NCEH1: variants seen among roughly 807,000 people sequenced by gnomAD.
The protein encoded by NCEH1 is neutral cholesterol ester hydrolase 1.
A neutral mutation model predicts 25.4 loss-of-function variants in NCEH1; 9 were observed. That is an observed-to-expected ratio of 0.35 (90% CI 0.21 to 0.62). The LOEUF is 0.62. NCEH1 is among the 20% of genes least tolerant of loss of function. The pLI is 0.72. For synonymous variants in NCEH1, 200 were observed against 199.8 expected, an observed-to-expected ratio of 1.00 and a Z score of -0.01; for missense variants, 412 against 501.1, an observed-to-expected ratio of 0.82 and a Z score of 1.70.
chr3:172,679,150 G>A (rs1220161811), intron 1 of NCEH1, among the ~76,000 whole-genome samples: 1 of 152,236 alleles, frequency 6.6e-6, no homozygotes, highest in Non-Finnish European at 1.5e-5. Flanking sequence ...GAAGGAGGAA[G>A]TAACTTGTGG....
At chr3:172,675,489 A>C (rs186242501) in intron 1 of NCEH1, among the ~76,000 whole-genome samples, 117 of 152,260 alleles carry the variant, frequency 7.7e-4, no homozygotes, top group African/African-American at 2.8e-3. Context: ...CATAAAAGGA[A>C]ATGACTGGTT....
intron 1 of NCEH1, among the ~76,000 whole-genome samples, chr3:172,693,516 A>G (rs1713182635): frequency 6.6e-6 from 1 of 152,070 alleles, no homozygotes. Flanking sequence ...AAAGATATTT[A>G]ACCACTCATA....
intron 1 of NCEH1, among the ~76,000 whole-genome samples, chr3:172,674,467 G>T (rs1000591621): frequency 3.6e-5 from 5 of 137,886 alleles, no homozygotes; most frequent in Non-Finnish European, 7.9e-5. Flanking sequence ...AAAAAAAAAA[G>T]TGAGGGCTAC....
At chr3:172,634,172 T>C (rs928905488) in intron 4 of NCEH1, 80 bp from the exon 5 acceptor site, 3 of 1,289,698 alleles carry the variant, frequency 2.3e-6, no homozygotes, top group Non-Finnish European at 3.2e-6. Flanking sequence ...AGTAGCTTCA[T>C]GTGTTACTCT....
At chr3:172,678,273 G>A (rs963815483) in intron 1 of NCEH1, among the ~76,000 whole-genome samples, 2 of 152,156 alleles carry the variant, frequency 1.3e-5, no homozygotes, top group African/African-American at 4.8e-5. Flanking sequence ...TTTACAATAA[G>A]GACAATTTCT....
chr3:172,697,970 ATTTTTTTTTTT>A (rs386398562), intron 1 of NCEH1, among the ~76,000 whole-genome samples: 2 of 101,084 alleles, frequency 2.0e-5, no homozygotes, highest in African/African-American at 4.1e-5. Context: ...TAAAAGCAGA[ATTTTTTTTTTT>A]TTTTTTTTTT....
At chr3:172,634,133 C>A in intron 4 of NCEH1, 41 bp from the exon 5 acceptor site, 1 of 1,575,064 alleles carries the variant, frequency 6.3e-7, no homozygotes, top group East Asian at 2.2e-5. Context: ...ATTTTGCATG[C>A]CTTCTTTTAT....
Position 172,653,744 on chromosome 3 carries a change from G to GTTTTT in NCEH1, c.139-5635_139-5631dup, listed in dbSNP as rs796835886. On this transcript the variant is annotated intron_variant, in intron 1 of 4. Transcript: ENST00000475381. Reference sequence around the variant, plus strand: ...TTGTTGTTGTTGTTCTGTTTTTTTTGTTTTTTTGTTTTTTTGTTTTTTTTT... The same window carrying GTTTTT: ...TTGTTGTTGTTGTTCTGTTTTTTTTGTTTTTTTTTTTTGTTTTTTTGTTTTTTTTT... 8.7e-3 allele frequency among the ~76,000 whole-genome samples: 835 copies of GTTTTT among 95,550 alleles called. 34 individuals carry two copies. The highest frequency in any genetic ancestry group is 0.029 in the African/African-American group (682 of 23,826). 62.7% of individuals were successfully genotyped at this position (95,550 alleles called of 152,430 possible). A position where few individuals can be genotyped will look rare whatever the true frequency, so the allele number is the denominator to read the frequency against.
At chr3:172,671,352 C>T (rs1290323379) in intron 1 of NCEH1, among the ~76,000 whole-genome samples, 2 of 152,086 alleles carry the variant, frequency 1.3e-5, no homozygotes, top group East Asian at 1.9e-4. Flanking sequence ...GATATGATTA[C>T]CTAATAATTC....
chr3:172,654,582 A>T (rs1387135088), intron 1 of NCEH1, among the ~76,000 whole-genome samples: 1 of 152,238 alleles, frequency 6.6e-6, no homozygotes, highest in African/African-American at 2.4e-5. Flanking sequence ...TACAACAGTG[A>T]TCTTTAAAAA....
chr3:172,686,570 T>C (rs377019432), intron 1 of NCEH1, among the ~76,000 whole-genome samples: 18 of 152,210 alleles, frequency 1.2e-4, no homozygotes, highest in African/African-American at 3.9e-4. Flanking sequence ...GATACTGGGA[T>C]GTGGACATGC....
intron 1 of NCEH1, among the ~76,000 whole-genome samples, chr3:172,663,528 G>A (rs988744331): frequency 2.6e-5 from 4 of 152,104 alleles, no homozygotes; most frequent in African/African-American, 9.7e-5. Context: ...TTAACTTTCT[G>A]CCTCGTTGAT....
At chr3:172,701,345 A>C (rs567733953) in intron 1 of NCEH1, among the ~76,000 whole-genome samples, 2 of 147,824 alleles carry the variant, frequency 1.4e-5, no homozygotes, top group South Asian at 4.2e-4. Flanking sequence ...GATGCTCCAT[A>C]CTCTCCCCTC....
chr3:172,668,800 G>C (rs749105345), intron 1 of NCEH1, among the ~76,000 whole-genome samples: 5 of 152,188 alleles, frequency 3.3e-5, no homozygotes, highest in Non-Finnish European at 5.9e-5. Context: ...GGTAGATATA[G>C]AGAATGCACA....
chr3:172,680,581 C>G (rs1271939010), intron 1 of NCEH1: 3 of 152,166 alleles, frequency 2.0e-5, no homozygotes, highest in African/African-American at 4.8e-5. Flanking sequence ...GGAGCATGAG[C>G]CCTGCCCCAA....
intron 1 of NCEH1, among the ~76,000 whole-genome samples, chr3:172,693,043 G>A (rs1713154149): frequency 6.6e-6 from 1 of 152,124 alleles, no homozygotes; most frequent in Non-Finnish European, 1.5e-5. Context: ...GACTTACAGG[G>A]GCTTCCTCCA....
intron 1 of NCEH1, among the ~76,000 whole-genome samples, chr3:172,684,874 G>T (rs1180466650): frequency 2.0e-5 from 3 of 152,168 alleles, no homozygotes; most frequent in African/African-American, 7.2e-5. Context: ...CCAGCTACTT[G>T]GGAGGCTGAG....
intron 1 of NCEH1, among the ~76,000 whole-genome samples, chr3:172,653,744 G>GTTTTTTTTTTTTTTTTTTTTTTTTT (rs796835886): frequency 2.1e-5 from 2 of 95,674 alleles, no homozygotes; most frequent in African/African-American, 4.2e-5. Context: ...TGTTTTTTTT[G>GTTTTTTTTTTTTTTTTTTTTTTTTT]TTTTTTTGTT....
intron 1 of NCEH1, among the ~76,000 whole-genome samples, chr3:172,696,480 C>G (rs1713379305): frequency 6.6e-6 from 1 of 152,178 alleles, no homozygotes; most frequent in Admixed American, 6.5e-5. Flanking sequence ...ACATATTTAA[C>G]TAATGTTTGA....
Sources: gnomAD v4.1 joint callset for allele counts (sites outside exome capture counted in the v4.1 genomes callset) on GRCh38, gnomAD v4.1.1 for gene constraint, MANE v1.5 for transcripts, NCBI Gene and HGNC (gene_info 2026-07-23, HGNC 2026-07-21) for gene names.